RABEP1: variants seen among roughly 807,000 people sequenced by gnomAD.
RABEP1 encodes rabaptin, RAB GTPase binding effector protein 1.
A neutral mutation model predicts 123.4 loss-of-function variants in RABEP1; 51 were observed. That is an observed-to-expected ratio of 0.41 (90% CI 0.33 to 0.52). The LOEUF is 0.52. Ranked by LOEUF, RABEP1 falls within the 20% of genes least tolerant of loss-of-function variation. RABEP1 has a pLI of 0.16. For missense variants in RABEP1, 888 were observed against 996.3 expected, an observed-to-expected ratio of 0.89 and a Z score of 1.46; for synonymous variants, 347 against 355.2, an observed-to-expected ratio of 0.98 and a Z score of 0.26.
chr17:5,332,944 A>G (rs1475238026), intron 3 of RABEP1, among the ~76,000 whole-genome samples: 1 of 151,716 alleles, frequency 6.6e-6, no homozygotes, highest in African/African-American at 2.4e-5. Context: ...TGTATGTGAA[A>G]TCTTCACTGC....
intron 5 of RABEP1, among the ~76,000 whole-genome samples, chr17:5,340,821 G>T (rs565815442): frequency 6.6e-6 from 1 of 151,484 alleles, no homozygotes; most frequent in African/African-American, 2.4e-5. Context: ...GGTGGCGGGC[G>T]CCTATAATCC....
At chr17:5,306,330 A>G (rs1309861140) in intron 1 of RABEP1, among the ~76,000 whole-genome samples, 1 of 152,162 alleles carries the variant, frequency 6.6e-6, no homozygotes, top group African/African-American at 2.4e-5. Context: ...TCACGATGCT[A>G]TAAAGATACA....
chr17:5,381,406 A>C lies in RABEP1; in HGVS notation c.2388A>C (p.Leu796=), dbSNP rs34807204. The C allele has an allele frequency of 8.9e-5, 144 of 1,613,116 alleles. No homozygotes were observed. In the African/African-American group the frequency reaches 1.7e-3, roughly 19 times the overall value. Residue 796 remains leucine, a synonymous_variant, in exon 17 of 18, where the codon CTA becomes CTC. Transcript: ENST00000537505. ...ETAAKATVEQ[L]MFEEKNKAQR... is the part of the protein sequence containing the mutation. Reference sequence around the variant, plus strand: ...TTTTTTAGGCTACCGTTGAACAACTAATGTTTGAAGAGAAGAATAAAGCTC... The same window carrying C: ...TTTTTTAGGCTACCGTTGAACAACTCATGTTTGAAGAGAAGAATAAAGCTC...
chr17:5,356,990 G>C (rs1410893366), intron 8 of RABEP1, among the ~76,000 whole-genome samples: 3 of 152,030 alleles, frequency 2.0e-5, no homozygotes, highest in African/African-American at 7.2e-5. Flanking sequence ...CGATTCTCCT[G>C]CCTCAGCCTC....
At chr17:5,305,166 G>A (rs771039358) in intron 1 of RABEP1, among the ~76,000 whole-genome samples, 3 of 152,068 alleles carry the variant, frequency 2.0e-5, no homozygotes, top group Admixed American at 2.0e-4. Context: ...AGAGTGAATC[G>A]ATTTGTCTCG....
rs1381649228 is a variant in RABEP1 at position 5,385,764 on chromosome 17, T to A, written c.*2541T>A. 3.4e-5 allele frequency: 8 copies of A among 233,428 alleles called. No individual in the cohort carries two copies. The highest frequency in any genetic ancestry group is 1.8e-4 in the East Asian group (3 of 16,284). The allele number at this position is 233,428 out of a possible 1,614,324, so 14.5% of individuals were successfully genotyped here. A position where few individuals can be genotyped will look rare whatever the true frequency, so the allele number is the denominator to read the frequency against. On this transcript the variant is annotated 3_prime_UTR_variant, in exon 18 of 18. Transcript: ENST00000537505. ...CCATTTGTTAACTGTACTGAAGGTG[T>A]GTCCTCAAGAAGAAAGTGTTCAAAT...
intron 2 of RABEP1, among the ~76,000 whole-genome samples, chr17:5,319,599 T>C (rs1261894316): frequency 8.6e-5 from 13 of 151,998 alleles, no homozygotes; most frequent in Non-Finnish European, 1.5e-4. Flanking sequence ...ACTCCTGACC[T>C]CAATCTGCCT....
Position 5,380,365 on chromosome 17 carries a change from TG to T in RABEP1, c.2275del (p.Glu759SerfsTer4). 1 of 1,557,194 alleles carries T rather than the reference TG, an allele frequency of 6.4e-7. No homozygotes were observed. The highest frequency in any genetic ancestry group is 8.7e-7 in the Non-Finnish European group (1 of 1,147,450). On this transcript the variant is annotated frameshift_variant and splice_region_variant, in exon 16 of 18. Coordinates refer to ENST00000537505, the MANE Select transcript of RABEP1 (RefSeq NM_004703.6). LOFTEE classifies it high-confidence loss of function. Reference sequence around the variant, plus strand: ...TTTCAGCTTTTTCCTTTTTCACAGTTGGAGTCCACATTAAGAGAGAAGTCTC... The same window carrying T: ...TTTCAGCTTTTTCCTTTTTCACAGTTGAGTCCACATTAAGAGAGAAGTCTC... ...LERIKVEKGQLESTLREKSQQ... is the reference protein window; with the variant it reads ...LERIKVEKGQXESTLREKSQQ...
chr17:5,368,253 G>A (rs1206053516), intron 11 of RABEP1, 117 bp from the exon 12 acceptor site: 1 of 704,062 alleles, frequency 1.4e-6, no homozygotes, highest in Non-Finnish European at 2.4e-6. Flanking sequence ...GATGGTCAGT[G>A]GTTCCCATGA....
At chr17:5,368,696 T>C (rs1353843289) in intron 12 of RABEP1, among the ~76,000 whole-genome samples, 1 of 152,332 alleles carries the variant, frequency 6.6e-6, no homozygotes, top group East Asian at 1.9e-4. Context: ...GTTTAACTTA[T>C]TTTTCTGATT....
chr17:5,365,496 C>T (rs900241159), intron 11 of RABEP1, among the ~76,000 whole-genome samples: 8 of 151,964 alleles, frequency 5.3e-5, no homozygotes, highest in African/African-American at 1.9e-4. Context: ...TTAGGTTTTC[C>T]TGCTGCACTG....
intron 2 of RABEP1, among the ~76,000 whole-genome samples, chr17:5,317,978 C>A (rs1386832787): frequency 6.6e-6 from 1 of 152,154 alleles, no homozygotes; most frequent in Non-Finnish European, 1.5e-5. Context: ...GTGGGTGGTG[C>A]CCCAGAGAGG....
intron 11 of RABEP1, among the ~76,000 whole-genome samples, chr17:5,367,173 G>A (rs1910072487): frequency 6.6e-6 from 1 of 151,492 alleles, no homozygotes; most frequent in African/African-American, 2.4e-5. Flanking sequence ...CTTTTCCTAT[G>A]GAGTTATGAA....
intron 1 of RABEP1, among the ~76,000 whole-genome samples, chr17:5,299,719 C>CTTTTCTTTTTTTTTTTTTTTTTTTT (rs2075116264): frequency 1.4e-4 from 14 of 98,832 alleles, no homozygotes; most frequent in South Asian, 6.1e-4. Flanking sequence ...TTTTTCTTTT[C>CTTTTCTTTTTTTTTTTTTTTTTTTT]TTTTTCTTTT....
chr17:5,375,604 C>T lies in RABEP1; in HGVS notation c.2026-1512C>T, dbSNP rs34953191. On this transcript the variant is annotated intron_variant, in intron 13 of 17. Coordinates refer to ENST00000537505, the MANE Select transcript of RABEP1 (RefSeq NM_004703.6). ...GTCCCAGCTACAACTACTTGGGAGG[C>T]TGAGGTGGGAGGGGTCGCCTGAGCC... Among the ~76,000 whole-genome samples, 710 of 152,126 alleles carry T rather than the reference C, an allele frequency of 4.7e-3. 8 individuals carry two copies. Among genetic ancestry groups the T allele is most frequent in the Non-Finnish European group, 7.2e-3 (489 of 67,996 alleles).
At chr17:5,321,601 C>T (rs1194685077) in intron 2 of RABEP1, among the ~76,000 whole-genome samples, 1 of 151,858 alleles carries the variant, frequency 6.6e-6, no homozygotes, top group East Asian at 2.0e-4. Flanking sequence ...CAGAGCATGA[C>T]CATGTCTCAA....
At chr17:5,343,533 C>T (rs553476060) in intron 5 of RABEP1, among the ~76,000 whole-genome samples, 3 of 152,126 alleles carry the variant, frequency 2.0e-5, no homozygotes, top group Middle Eastern at 3.4e-3. Context: ...GCACTCCAGC[C>T]CGGGAGACAG....
At position 5,383,202 on chromosome 17, in the gene RABEP1, T is replaced by A. The variant is rs1911643555; in HGVS notation, c.2568T>A (p.Ile856=). Residue 856 remains isoleucine, a synonymous_variant, in exon 18 of 18, where the codon ATT becomes ATA. Transcript: ENST00000537505. ...AILNDTKLTD[I]NQLPET ...TGAATGATACTAAACTGACAGACAT[T>A]AACCAGCTTCCTGAGACATGACACC... The A allele has an allele frequency of 6.2e-7, 1 of 1,613,958 alleles. No homozygotes were observed. The highest frequency in any genetic ancestry group is 1.3e-5 in the African/African-American group (1 of 74,922).
intron 3 of RABEP1, among the ~76,000 whole-genome samples, chr17:5,333,231 C>T (rs1210116228): frequency 4.6e-5 from 7 of 152,090 alleles, no homozygotes; most frequent in Non-Finnish European, 8.8e-5. Flanking sequence ...GGCACCATCT[C>T]GGTTCAGTGC....
Sources: allele counts gnomAD v4.1 joint callset (sites outside exome capture counted in the v4.1 genomes callset), GRCh38; gene constraint gnomAD v4.1.1; transcripts MANE v1.5; gene names NCBI Gene and HGNC (gene_info 2026-07-23, HGNC 2026-07-21).